Variants in WWOX observed in about 807,000 individuals in gnomAD.
WWOX encodes the protein WW domain-containing oxidoreductase.
In WWOX, 69 loss-of-function variants were observed where a neutral mutation model predicts 46.2. That is an observed-to-expected ratio of 1.49 (90% CI 1.23 to 1.82). The LOEUF (loss-of-function observed/expected upper bound fraction) is 1.82, where lower values mean the gene tolerates loss of function less well. Among genes scored for constraint, WWOX ranks in the 40% most tolerant of loss-of-function variants. The pLI, the probability that WWOX is intolerant of heterozygous loss-of-function variation, is 0.00. For missense variants in WWOX, 919 were observed against 542.6 expected (o/e 1.69, Z -6.89); for synonymous variants, 359 against 202.6 (o/e 1.77, Z -6.56).
At chr16:78,962,671 A>T (rs1424327256) in intron 8 of WWOX, among the ~76,000 whole-genome samples, 2 of 152,180 alleles carry the variant, frequency 1.3e-5, no homozygotes, top group Non-Finnish European at 2.9e-5. Flanking sequence ...TTCCTACGGT[A>T]AGGTGCACAC....
intron 8 of WWOX, among the ~76,000 whole-genome samples, chr16:79,177,763 C>CAGAT (rs1318143890): frequency 6.6e-6 from 1 of 152,176 alleles, no homozygotes; most frequent in African/African-American, 2.4e-5. Context: ...TGAAAAGGGA[C>CAGAT]AGATAGTAAA....
rs2031607021 is a variant in WWOX, at chr16:78,099,660, C to G, written c.-119C>G. 2 of 1,300,836 alleles carry G rather than the reference C, an allele frequency of 1.5e-6. No individual in the cohort carries two copies. Among genetic ancestry groups the G allele is most frequent in the Non-Finnish European group, 2.0e-6 (2 of 985,490 alleles). The allele number at this position is 1,300,836 out of a possible 1,614,324, so 80.6% of individuals were successfully genotyped here. A position where few individuals can be genotyped will look rare whatever the true frequency, so the allele number is the denominator to read the frequency against. On this transcript the variant is annotated 5_prime_UTR_variant, in exon 1 of 9. Transcript: ENST00000566780. ...GGAGCGGCCCCTGGAGGGCGCAGTG[C>G]GCAGGCGTGAGCGGTCGGGCCCCGA...
chr16:78,315,901 C>T (rs1015187015), intron 5 of WWOX, among the ~76,000 whole-genome samples: 1 of 152,094 alleles, frequency 6.6e-6, no homozygotes, highest in Non-Finnish European at 1.5e-5. Flanking sequence ...TAACTACTCT[C>T]CTCGTGTTGA....
At chr16:78,762,284 C>T (rs1373373225) in intron 8 of WWOX, among the ~76,000 whole-genome samples, 2 of 152,158 alleles carry the variant, frequency 1.3e-5, no homozygotes, top group African/African-American at 4.8e-5. Flanking sequence ...AAGCTTGGTC[C>T]ATGAACCAGC....
At chr16:78,646,353 A>G (rs1054718404) in intron 8 of WWOX, among the ~76,000 whole-genome samples, 3 of 152,110 alleles carry the variant, frequency 2.0e-5, no homozygotes, top group Non-Finnish European at 2.9e-5. Flanking sequence ...TGTCCTAACT[A>G]AAGAAAGTAA....
At chr16:79,154,253 T>C (rs2050337206) in intron 8 of WWOX, among the ~76,000 whole-genome samples, 1 of 152,214 alleles carries the variant, frequency 6.6e-6, no homozygotes, top group African/African-American at 2.4e-5. Context: ...TCCTCTGCCC[T>C]GGACACCGGT....
chr16:78,143,832 G>C (rs941701306), intron 4 of WWOX, among the ~76,000 whole-genome samples: 1 of 142,524 alleles, frequency 7.0e-6, no homozygotes, highest in Non-Finnish European at 1.5e-5. Context: ...CCTTACCTTG[G>C]TTGCCAGGAA....
chr16:78,263,856 A>G (rs1269520100), intron 5 of WWOX, among the ~76,000 whole-genome samples: 2 of 152,066 alleles, frequency 1.3e-5, no homozygotes, highest in Non-Finnish European at 2.9e-5. Context: ...CTGCCTTGGG[A>G]TGGATTCACC....
intron 4 of WWOX, among the ~76,000 whole-genome samples, chr16:78,150,581 A>T (rs573165276): frequency 1.3e-5 from 2 of 152,230 alleles, no homozygotes; most frequent in African/African-American, 4.8e-5. Context: ...CGAGGTCTCA[A>T]TATGTCACCC....
At chr16:78,329,407 CAG>C (rs1381101289) in intron 5 of WWOX, among the ~76,000 whole-genome samples, 6 of 152,192 alleles carry the variant, frequency 3.9e-5, no homozygotes, top group African/African-American at 1.2e-4. Flanking sequence ...AGGTTCCAGA[CAG>C]AGTGAAATTT....
intron 8 of WWOX, among the ~76,000 whole-genome samples, chr16:78,893,226 C>G (rs1021992409): frequency 1.3e-5 from 2 of 151,972 alleles, no homozygotes; most frequent in Admixed American, 1.3e-4. Context: ...CCCTCTTGAC[C>G]ATCTTATGCC....
At chr16:78,632,677 G>A (rs987798802) in intron 8 of WWOX, among the ~76,000 whole-genome samples, 4 of 148,942 alleles carry the variant, frequency 2.7e-5, no homozygotes, top group South Asian at 2.1e-4. Flanking sequence ...TCCTGCCTCA[G>A]CCTCTCGAAT....
chr16:78,125,883 T>A (rs1367783117), intron 4 of WWOX, among the ~76,000 whole-genome samples: 1 of 152,118 alleles, frequency 6.6e-6, no homozygotes, highest in Non-Finnish European at 1.5e-5. Context: ...TAAGTAATTA[T>A]TTTAAAGGTT....
chr16:78,326,799 T>C (rs1471816481), intron 5 of WWOX, among the ~76,000 whole-genome samples: 3 of 121,818 alleles, frequency 2.5e-5, no homozygotes, highest in African/African-American at 8.2e-5. Flanking sequence ...GATATAACTT[T>C]AATTGTCAAA....
At chr16:78,904,139 A>T (rs2044898751) in intron 8 of WWOX, among the ~76,000 whole-genome samples, 1 of 152,080 alleles carries the variant, frequency 6.6e-6, no homozygotes, top group Admixed American at 6.5e-5. Context: ...AACTAGCAAC[A>T]GATGTAAAGT....
intron 8 of WWOX, among the ~76,000 whole-genome samples, chr16:79,172,138 T>C (rs1471609606): frequency 3.3e-5 from 5 of 151,976 alleles, no homozygotes; most frequent in Admixed American, 2.0e-4. Context: ...TTTTCTTGGG[T>C]TCCTGGTGGT....
chr16:79,027,635 C>A (rs575166890), intron 8 of WWOX, among the ~76,000 whole-genome samples: 2 of 151,946 alleles, frequency 1.3e-5, no homozygotes, highest in East Asian at 3.9e-4. Context: ...ATCGTGAATT[C>A]GGTCATTGTT....
At chr16:78,744,369 A>G (rs1421106409) in intron 8 of WWOX, among the ~76,000 whole-genome samples, 1 of 146,264 alleles carries the variant, frequency 6.8e-6, no homozygotes, top group Admixed American at 6.8e-5. Context: ...TGATCATTAT[A>G]TGCAGAAGAC....
chr16:78,408,829 A>G (rs969051036), intron 6 of WWOX, among the ~76,000 whole-genome samples: 1 of 152,188 alleles, frequency 6.6e-6, no homozygotes, highest in Non-Finnish European at 1.5e-5. Flanking sequence ...GCATCTGGGA[A>G]CGAGTGAGGG....
Sources: allele counts gnomAD v4.1 joint callset (sites outside exome capture counted in the v4.1 genomes callset), GRCh38; gene constraint gnomAD v4.1.1; transcripts MANE v1.5; gene names NCBI Gene and HGNC (gene_info 2026-07-23, HGNC 2026-07-21).